The following PLEKHA5 variants were observed in gnomAD, a reference collection of about 807,000 sequenced individuals.
The protein encoded by PLEKHA5 is pleckstrin homology domain-containing family A member 5.
In PLEKHA5, 55 loss-of-function variants were observed where a neutral mutation model predicts 181.9. The observed-to-expected ratio is 0.30, with a 90% CI of 0.24 to 0.38. The LOEUF (loss-of-function observed/expected upper bound fraction) is 0.38. Ranked by LOEUF, PLEKHA5 falls within the 10% of genes least tolerant of loss-of-function variation. The pLI is 1.00. For synonymous variants in PLEKHA5, 535 were observed against 529.4 expected, an observed-to-expected ratio of 1.01 and a Z score of -0.15; for missense variants, 1,432 against 1,549.5, an observed-to-expected ratio of 0.92 and a Z score of 1.27.
intron 21 of PLEKHA5, among the ~76,000 whole-genome samples, chr12:19,339,585 C>T (rs765420088): frequency 2.0e-5 from 3 of 151,998 alleles, no homozygotes; most frequent in African/African-American, 4.8e-5. Flanking sequence ...CCTGTAAATG[C>T]AATTTTATTC....
Position 19,221,533 on chromosome 12 carries a change from C to T in PLEKHA5, c.228-32407C>T, listed in dbSNP as rs151288257. Among the ~76,000 whole-genome samples, 81 of 152,124 alleles carry T rather than the reference C, an allele frequency of 5.3e-4. No individual in the cohort carries two copies. In the East Asian group the frequency reaches 0.014, roughly 26 times the overall value. ...AGAGTTTATGGTGGTGAAACTATTC[C>T]GTATGACACTGTAATTATGTTCATG... On this transcript the variant is annotated intron_variant, in intron 3 of 31. Coordinates refer to ENST00000429027, the MANE Select transcript of PLEKHA5 (RefSeq NM_001256470.2).
chr12:19,131,119 G>A (rs990100472), intron 2 of PLEKHA5, among the ~76,000 whole-genome samples: 14 of 152,292 alleles, frequency 9.2e-5, no homozygotes, highest in Admixed American at 2.0e-4. Flanking sequence ...TCTCTTACTG[G>A]CCTGCCTCTA....
intron 15 of PLEKHA5, among the ~76,000 whole-genome samples, chr12:19,313,057 G>T (rs370711341): frequency 6.6e-6 from 1 of 152,280 alleles, no homozygotes; most frequent in African/African-American, 2.4e-5. Flanking sequence ...CGGCTGGTCA[G>T]TGAAACAGAA....
intron 3 of PLEKHA5, among the ~76,000 whole-genome samples, chr12:19,225,389 C>A (rs953417995): frequency 6.6e-6 from 1 of 152,116 alleles, no homozygotes; most frequent in African/African-American, 2.4e-5. Flanking sequence ...AATTTTCTGT[C>A]TCTTTTTTAA....
rs1187235844 is a variant in PLEKHA5, at chr12:19,129,907, C to A, written c.89+19C>A. ...TCATCAAGTAAAGAGCCGGGGACGG[C>A]ACGGGGGCCCGCGGGGGCGGGAGGG... is the stretch of plus-strand genomic sequence containing the variant. On this transcript the variant is annotated intron_variant, in intron 1 of 31. Coordinates refer to ENST00000429027, the MANE Select transcript of PLEKHA5 (RefSeq NM_001256470.2). The A allele has an allele frequency of 6.3e-7, 1 of 1,587,116 alleles. No homozygotes were observed.
chr12:19,316,253 T>A (rs942735827), intron 16 of PLEKHA5, among the ~76,000 whole-genome samples: 11 of 152,224 alleles, frequency 7.2e-5, no homozygotes, highest in African/African-American at 2.7e-4. Flanking sequence ...TTGCATATTT[T>A]AGATGAGAAT....
intron 3 of PLEKHA5, chr12:19,202,085 A>G (rs1471986917): frequency 5.7e-6 from 4 of 697,778 alleles, no homozygotes; most frequent in African/African-American, 1.9e-5. Context: ...ACCTTTTTCC[A>G]TATTTCTTTA....
At position 19,227,313 on chromosome 12, in the gene PLEKHA5, C is replaced by T. The variant is rs117616506; in HGVS notation, c.228-26627C>T. Among the ~76,000 whole-genome samples the T allele has an allele frequency of 6.5e-3, 953 of 146,876 alleles. 4 individuals carry two copies. The highest frequency in any genetic ancestry group is 9.2e-3 in the Non-Finnish European group (615 of 67,022). ...TTTTTTTTTTTTTTTTCCCTCATGT[C>T]CTCTGGGAAGGTAAGCTTCCTCAGC... On this transcript the variant is annotated intron_variant, in intron 3 of 31. Transcript: ENST00000429027.
At chr12:19,262,276 C>T (rs1054158352) in intron 7 of PLEKHA5, among the ~76,000 whole-genome samples, 3 of 152,108 alleles carry the variant, frequency 2.0e-5, no homozygotes, top group African/African-American at 7.2e-5. Flanking sequence ...CTCTGTTGCC[C>T]AGGCTGGAGT....
chr12:19,234,976 G>A (rs2061197687), intron 3 of PLEKHA5, among the ~76,000 whole-genome samples: 1 of 152,012 alleles, frequency 6.6e-6, no homozygotes, highest in African/African-American at 2.4e-5. Context: ...TAGAACTGTG[G>A]AAAAGTTGTT....
Position 19,291,746 on chromosome 12 carries a change from T to G in PLEKHA5, c.2037+49T>G, listed in dbSNP as rs752563690. The stretch of plus-strand genomic sequence containing the variant: ...ACTTTTAATACTTAATAGAACTTCT[T>G]AAATATAATACAGTTTTTCAGGCTT... On this transcript the variant is annotated intron_variant, in intron 15 of 31. Coordinates refer to ENST00000429027, the MANE Select transcript of PLEKHA5 (RefSeq NM_001256470.2). 18 of 966,444 alleles carry G rather than the reference T, an allele frequency of 1.9e-5. No homozygotes were observed. In the South Asian group the frequency reaches 2.1e-4, roughly 12 times the overall value. The allele number at this position is 966,444 out of a possible 1,614,324, so 59.9% of individuals were successfully genotyped here.
chr12:19,335,813 G>T (rs2093378931), intron 20 of PLEKHA5, among the ~76,000 whole-genome samples: 1 of 151,930 alleles, frequency 6.6e-6, no homozygotes, highest in Non-Finnish European at 1.5e-5. Context: ...TGTGTTTTCA[G>T]TAGAGACAGG....
At chr12:19,273,846 A>G (rs1592281598) in intron 10 of PLEKHA5, among the ~76,000 whole-genome samples, 1 of 152,138 alleles carries the variant, frequency 6.6e-6, no homozygotes, top group East Asian at 1.9e-4. Context: ...TCTGATTCTC[A>G]CAAGAACCCT....
intron 3 of PLEKHA5, among the ~76,000 whole-genome samples, chr12:19,159,958 T>G (rs908368037): frequency 2.0e-5 from 3 of 152,128 alleles, no homozygotes; most frequent in Non-Finnish European, 2.9e-5. Context: ...GTCCTTCAGA[T>G]GACAATTTTG....
At chr12:19,343,546 A>T in intron 22 of PLEKHA5, 112 bp downstream of exon 22, 1 of 697,454 alleles carries the variant, frequency 1.4e-6, no homozygotes, top group Non-Finnish European at 2.6e-6. Context: ...GTGTTGTACA[A>T]TCAGAGTGTA....
intron 11 of PLEKHA5, among the ~76,000 whole-genome samples, chr12:19,275,571 C>G (rs2074269408): frequency 6.6e-6 from 1 of 152,114 alleles, no homozygotes; most frequent in African/African-American, 2.4e-5. Context: ...TGAGACCAGC[C>G]TGGGCAACCT....
At chr12:19,200,823 T>G (rs935635308) in intron 3 of PLEKHA5, 2 of 315,902 alleles carry the variant, frequency 6.3e-6, no homozygotes, top group East Asian at 3.4e-4. Context: ...AAAAAATTTT[T>G]AAAACCTTAG....
intron 16 of PLEKHA5, among the ~76,000 whole-genome samples, chr12:19,315,857 T>C (rs1220167019): frequency 1.3e-5 from 2 of 152,166 alleles, no homozygotes; most frequent in African/African-American, 2.4e-5. Context: ...AACTGAGGAA[T>C]GGATACAATT....
rs186359028 is a variant in PLEKHA5, at chr12:19,316,300, G to T, written c.2118+1406G>T. On this transcript the variant is annotated intron_variant, in intron 16 of 31. Coordinates refer to ENST00000429027, the MANE Select transcript of PLEKHA5 (RefSeq NM_001256470.2). The stretch of plus-strand genomic sequence containing the variant: ...TTTCAAATCTGTTTGGTTTGGTTGG[G>T]TTTTTTTTTATAATGCTCAACATTC... Among the ~76,000 whole-genome samples the T allele has an allele frequency of 2.7e-3, 413 of 151,148 alleles. 3 individuals carry two copies. Among genetic ancestry groups the T allele is most frequent in the African/African-American group, 9.7e-3 (400 of 41,232 alleles).
Sources: gnomAD v4.1 joint callset for allele counts (sites outside exome capture counted in the v4.1 genomes callset) on GRCh38, gnomAD v4.1.1 for gene constraint, MANE v1.5 for transcripts, NCBI Gene and HGNC (gene_info 2026-07-23, HGNC 2026-07-21) for gene names.